Variants in BABAM2 observed in about 807,000 individuals in gnomAD.
The protein encoded by BABAM2 is BRISC and BRCA1 A complex member 2.
BABAM2 carries 31 observed loss-of-function variants against 54.7 expected under a neutral mutation model. The observed-to-expected ratio is 0.57, with a 90% CI of 0.43 to 0.77. BABAM2 has a LOEUF of 0.77. BABAM2 is among the 30% of genes least tolerant of loss of function. The pLI is 0.00. For missense variants in BABAM2, 364 were observed against 455.8 expected (o/e 0.80, Z 1.83); for synonymous variants, 167 against 162.9 (o/e 1.03, Z -0.19).
intron 8 of BABAM2, among the ~76,000 whole-genome samples, chr2:28,240,373 T>C (rs1489614): frequency 0.97 from 148,197 of 152,214 alleles, 72,268 homozygotes; most frequent in Middle Eastern, 1. Flanking sequence ...ATCCTCCTGC[T>C]TCAGACTCCC....
intron 10 of BABAM2, among the ~76,000 whole-genome samples, chr2:28,245,875 C>G (rs1182823853): frequency 2.0e-5 from 3 of 152,174 alleles, no homozygotes; most frequent in East Asian, 1.9e-4. Flanking sequence ...GATTTACCTT[C>G]TTCGTTATGA....
At chr2:28,254,843 C>T (rs1202947759) in intron 10 of BABAM2, among the ~76,000 whole-genome samples, 1 of 151,150 alleles carries the variant, frequency 6.6e-6, no homozygotes, top group East Asian at 1.9e-4. Context: ...AAGGGACCCT[C>T]CCACCTCAGC....
intron 6 of BABAM2, among the ~76,000 whole-genome samples, chr2:28,064,572 A>T (rs1247563097): frequency 6.6e-6 from 1 of 152,216 alleles, no homozygotes; most frequent in Admixed American, 6.5e-5. Flanking sequence ...CTTTTGAATG[A>T]TTCCTATACT....
chr2:28,296,080 T>TC (rs1687671203), intron 10 of BABAM2, among the ~76,000 whole-genome samples: 1 of 152,056 alleles, frequency 6.6e-6, no homozygotes, highest in African/African-American at 2.4e-5. Flanking sequence ...TTGCACTCCA[T>TC]CCAGCCTGGG....
At chr2:28,260,386 CT>C (rs914561751) in intron 10 of BABAM2, among the ~76,000 whole-genome samples, 2 of 146,070 alleles carry the variant, frequency 1.4e-5, no homozygotes, top group African/African-American at 5.3e-5. Context: ...ACTGCAACCT[CT>C]GCCTCCCGGG....
intron 6 of BABAM2, among the ~76,000 whole-genome samples, chr2:28,097,112 A>T (rs1666698961): frequency 6.6e-6 from 1 of 152,192 alleles, no homozygotes. Context: ...TGGCAGAAAG[A>T]GAGATGGGTA....
intron 10 of BABAM2, among the ~76,000 whole-genome samples, chr2:28,290,621 C>T (rs1423439805): frequency 6.6e-6 from 1 of 152,198 alleles, no homozygotes; most frequent in Non-Finnish European, 1.5e-5. Flanking sequence ...AACTAATTCA[C>T]AGCCCCTGCG....
At chr2:28,168,652 A>G (rs964860002) in intron 7 of BABAM2, among the ~76,000 whole-genome samples, 7 of 152,156 alleles carry the variant, frequency 4.6e-5, no homozygotes, top group African/African-American at 1.7e-4. Flanking sequence ...TCATTCTTAG[A>G]GGGCCAAAAG....
At chr2:28,078,151 T>TG (rs2148668754) in intron 6 of BABAM2, among the ~76,000 whole-genome samples, 1 of 152,264 alleles carries the variant, frequency 6.6e-6, no homozygotes, top group South Asian at 2.1e-4. Flanking sequence ...GTCCAGCATC[T>TG]TCACAATGTA....
intron 11 of BABAM2, among the ~76,000 whole-genome samples, chr2:28,323,065 C>G (rs1175645846): frequency 6.6e-6 from 1 of 152,198 alleles, no homozygotes; most frequent in African/African-American, 2.4e-5. Context: ...CAGAGCCCCC[C>G]ACTCTCATCC....
At chr2:28,246,360 T>A (rs185507400) in intron 10 of BABAM2, among the ~76,000 whole-genome samples, 1 of 152,388 alleles carries the variant, frequency 6.6e-6, no homozygotes, top group Admixed American at 6.5e-5. Flanking sequence ...GTATTCACTT[T>A]ACCTTACGAC....
intron 4 of BABAM2, among the ~76,000 whole-genome samples, chr2:27,994,416 C>A (rs926149153): frequency 4.6e-5 from 7 of 152,110 alleles, no homozygotes; most frequent in African/African-American, 1.7e-4. Context: ...TAAGTAGCAC[C>A]TAGATCAAGA....
chr2:28,060,619 C>CTA (rs1394517228), intron 6 of BABAM2, among the ~76,000 whole-genome samples: 1 of 152,006 alleles, frequency 6.6e-6, no homozygotes, highest in Non-Finnish European at 1.5e-5. Context: ...GCTTCTAGAA[C>CTA]TAATAAGTGA....
Position 28,101,600 on chromosome 2 carries a change from G to T in BABAM2, c.571-27671G>T, listed in dbSNP as rs181788255. 3.4e-3 allele frequency among the ~76,000 whole-genome samples: 516 copies of T among 152,280 alleles called. No homozygotes were observed. The Middle Eastern group carries it at 0.037, about 11-fold the overall frequency. ...TGTGGTTGTCCTATCCCCAGTCCAT[G>T]TGGGGAACCTGCAGACCTCCTAACA... is the stretch of plus-strand genomic sequence containing the variant. On this transcript the variant is annotated intron_variant, in intron 6 of 11. Transcript: ENST00000379624.
chr2:28,148,909 A>T (rs895653792), intron 7 of BABAM2, among the ~76,000 whole-genome samples: 34 of 152,188 alleles, frequency 2.2e-4, no homozygotes, highest in Admixed American at 2.0e-3. Context: ...ATAAATGATC[A>T]TCTCTCCAAG....
intron 2 of BABAM2, among the ~76,000 whole-genome samples, chr2:27,909,382 T>TTTCTCCAAAA (rs1666416204): frequency 3.9e-5 from 6 of 152,332 alleles, no homozygotes; most frequent in Admixed American, 1.3e-4. Flanking sequence ...GAGAAATGTC[T>TTTCTCCAAAA]GTTCAAGTCT....
At chr2:28,309,188 CT>C (rs2148274849) in intron 11 of BABAM2, 1 of 152,398 alleles carries the variant, frequency 6.6e-6, no homozygotes, top group East Asian at 1.9e-4. Flanking sequence ...ACTGAGGCCC[CT>C]GTTACCTTGC....
At chr2:28,198,370 A>G (rs931177730) in intron 7 of BABAM2, among the ~76,000 whole-genome samples, 3 of 151,988 alleles carry the variant, frequency 2.0e-5, no homozygotes, top group East Asian at 1.9e-4. Context: ...GTTTCACCAT[A>G]TTAGCCAGGA....
intron 10 of BABAM2, among the ~76,000 whole-genome samples, chr2:28,252,464 A>G (rs1488379313): frequency 6.6e-6 from 1 of 152,202 alleles, no homozygotes; most frequent in Non-Finnish European, 1.5e-5. Flanking sequence ...TATACACACA[A>G]GCACACCCTT....
Sources: gnomAD v4.1 joint callset for allele counts (sites outside exome capture counted in the v4.1 genomes callset) on GRCh38, gnomAD v4.1.1 for gene constraint, MANE v1.5 for transcripts, NCBI Gene and HGNC (gene_info 2026-07-23, HGNC 2026-07-21) for gene names.